NRXN1: variants seen among roughly 807,000 people sequenced by gnomAD.
NRXN1 encodes neurexin-1.
Under a neutral mutation model 150.9 loss-of-function variants are expected in NRXN1, and 39 were observed. The ratio of observed to expected loss-of-function variants is 0.26; its 90% confidence interval spans 0.20 to 0.34. The LOEUF is 0.34. Ranked by LOEUF, NRXN1 falls within the 10% of genes least tolerant of loss-of-function variation. The pLI is 1.00. For missense variants in NRXN1, 1,815 were observed against 1,949.9 expected (o/e 0.93, Z 1.30); for synonymous variants, 924 against 757.0 (o/e 1.22, Z -3.62).
At chr2:50,689,536 G>A (rs985929043) in intron 5 of NRXN1, among the ~76,000 whole-genome samples, 3 of 152,060 alleles carry the variant, frequency 2.0e-5, no homozygotes, top group Non-Finnish European at 2.9e-5. Flanking sequence ...GAAGCTATCT[G>A]GATTTCCCAG....
At chr2:50,538,674 AG>A in intron 9 of NRXN1, 38 bp from the exon 10 acceptor site, 1 of 1,410,888 alleles carries the variant, frequency 7.1e-7, no homozygotes, top group Non-Finnish European at 9.3e-7. Context: ...GTCTTTAAAA[AG>A]CACCAACGTG....
intron 17 of NRXN1, among the ~76,000 whole-genome samples, chr2:50,410,122 G>A (rs530452095): frequency 9.7e-4 from 147 of 152,112 alleles, no homozygotes; most frequent in Middle Eastern, 6.8e-3. Flanking sequence ...ATACAAGCAA[G>A]GATGTAGAAA....
chr2:50,643,011 G>C (rs1049420357), intron 5 of NRXN1, among the ~76,000 whole-genome samples: 2 of 151,894 alleles, frequency 1.3e-5, no homozygotes. Context: ...ATATTATAAA[G>C]AGGCCTCAGA....
intron 5 of NRXN1, among the ~76,000 whole-genome samples, chr2:50,888,617 A>C (rs1680613649): frequency 6.6e-6 from 1 of 151,622 alleles, no homozygotes; most frequent in African/African-American, 2.4e-5. Flanking sequence ...CATGAACTGC[A>C]ATAACTGTAA....
At chr2:51,019,744 G>A (rs12474437) in intron 2 of NRXN1, among the ~76,000 whole-genome samples, 98,757 of 151,806 alleles carry the variant, frequency 0.65, 32,782 homozygotes, top group African/African-American at 0.77. Context: ...TTTGTGCTCC[G>A]TGGATGCAAG....
intron 21 of NRXN1, among the ~76,000 whole-genome samples, chr2:49,986,054 T>G (rs1680849063): frequency 6.6e-6 from 1 of 152,196 alleles, no homozygotes; most frequent in Non-Finnish European, 1.5e-5. Context: ...AAAAATCCAG[T>G]ATCACAAATT....
At chr2:49,978,519 G>A in intron 21 of NRXN1, among the ~76,000 whole-genome samples, 1 of 152,090 alleles carries the variant, frequency 6.6e-6, no homozygotes, top group East Asian at 1.9e-4. Flanking sequence ...CACACTGTCA[G>A]GCCTGTGGTG....
At chr2:50,954,851 G>A (rs1288656659) in intron 2 of NRXN1, among the ~76,000 whole-genome samples, 2 of 152,168 alleles carry the variant, frequency 1.3e-5, no homozygotes, top group African/African-American at 4.8e-5. Context: ...CAACATGAGA[G>A]ACTTGATGGT....
At chr2:50,989,387 T>C (rs1442525943) in intron 2 of NRXN1, among the ~76,000 whole-genome samples, 3 of 151,968 alleles carry the variant, frequency 2.0e-5, no homozygotes, top group Non-Finnish European at 2.9e-5. Context: ...TATATGAATC[T>C]TGACAAACAC....
chr2:50,493,845 TA>T (rs1310975708), intron 15 of NRXN1, among the ~76,000 whole-genome samples: 3 of 152,192 alleles, frequency 2.0e-5, no homozygotes, highest in Non-Finnish European at 2.9e-5. Context: ...TTGTGCTTTT[TA>T]AAAAAACACA....
intron 12 of NRXN1, among the ~76,000 whole-genome samples, chr2:50,511,195 G>C (rs1286491770): frequency 6.6e-6 from 1 of 151,936 alleles, no homozygotes; most frequent in Non-Finnish European, 1.5e-5. Context: ...CAGGGAGCTG[G>C]GATTACAGGC....
At chr2:50,797,240 C>T (rs1706960949) in intron 5 of NRXN1, among the ~76,000 whole-genome samples, 1 of 152,230 alleles carries the variant, frequency 6.6e-6, no homozygotes, top group East Asian at 1.9e-4. Flanking sequence ...GCTGAGGCTA[C>T]AGACTTTTTT....
chr2:50,429,946 G>T (rs934483668), intron 17 of NRXN1, among the ~76,000 whole-genome samples: 7 of 152,034 alleles, frequency 4.6e-5, no homozygotes, highest in African/African-American at 1.7e-4. Flanking sequence ...AAATTGCATT[G>T]ATTTACATAT....
intron 5 of NRXN1, among the ~76,000 whole-genome samples, chr2:50,784,636 G>C (rs1447236842): frequency 6.6e-6 from 1 of 152,064 alleles, no homozygotes; most frequent in East Asian, 1.9e-4. Context: ...TTAACCTGTA[G>C]GTAATGAGGA....
chr2:50,508,037 A>T (rs2092313165), intron 12 of NRXN1, among the ~76,000 whole-genome samples: 1 of 152,126 alleles, frequency 6.6e-6, no homozygotes. Context: ...AGAGACAGAG[A>T]ACCAAGTAAA....
At chr2:50,817,208 G>T (rs923672306) in intron 5 of NRXN1, among the ~76,000 whole-genome samples, 6 of 152,010 alleles carry the variant, frequency 3.9e-5, no homozygotes, top group Non-Finnish European at 7.4e-5. Flanking sequence ...ACTTTGAGGG[G>T]ATTAAAAGAA....
At chr2:50,780,003 A>G (rs1704156026) in intron 5 of NRXN1, among the ~76,000 whole-genome samples, 1 of 152,074 alleles carries the variant, frequency 6.6e-6, no homozygotes, top group Non-Finnish European at 1.5e-5. Flanking sequence ...AAGTGTTCCT[A>G]TTTCTCCACA....
chr2:50,727,313 G>T (rs916232663), intron 5 of NRXN1, among the ~76,000 whole-genome samples: 1 of 152,016 alleles, frequency 6.6e-6, no homozygotes, highest in East Asian at 1.9e-4. Context: ...TACATGCTTT[G>T]TGAAGACACA....
At chr2:50,590,603 G>A (rs1283368151) in intron 8 of NRXN1, among the ~76,000 whole-genome samples, 2 of 152,072 alleles carry the variant, frequency 1.3e-5, no homozygotes. Flanking sequence ...GTGTGATGGG[G>A]CCTTTAGGAA....
Sources: allele counts gnomAD v4.1 joint callset (sites outside exome capture counted in the v4.1 genomes callset), GRCh38; gene constraint gnomAD v4.1.1; transcripts MANE v1.5; gene names NCBI Gene and HGNC (gene_info 2026-07-23, HGNC 2026-07-21).